Variants in TARBP1 observed in about 807,000 individuals in gnomAD.
The protein encoded by TARBP1 is tRNA (guanosine(18)-2'-O)-methyltransferase TARBP1.
A neutral mutation model predicts 178.6 loss-of-function variants in TARBP1; 144 were observed. The observed-to-expected ratio is 0.81, with a 90% confidence interval of 0.70 to 0.93. TARBP1 has a LOEUF of 0.93. Among genes scored for constraint, TARBP1 ranks in the 40% least tolerant of loss-of-function variants. TARBP1 has a pLI of 0.00. For synonymous variants in TARBP1, 787 were observed against 781.0 expected, an observed-to-expected ratio of 1.01 and a Z score of -0.13; for missense variants, 2,067 against 2,011.7, an observed-to-expected ratio of 1.03 and a Z score of -0.53.
At chr1:234,405,725 G>C (rs950106564) in intron 24 of TARBP1, among the ~76,000 whole-genome samples, 178 bp downstream of exon 24, 12 of 152,190 alleles carry the variant, frequency 7.9e-5, no homozygotes, top group African/African-American at 2.9e-4. Context: ...ACAATGAACT[G>C]TAATTAACTA....
chr1:234,414,122 C>T (rs1662152982), intron 22 of TARBP1, among the ~76,000 whole-genome samples: 1 of 152,206 alleles, frequency 6.6e-6, no homozygotes, highest in South Asian at 2.1e-4. Flanking sequence ...CCAAGCAATA[C>T]ACAAAAACAT....
At chr1:234,446,306 C>T (rs528506657) in intron 12 of TARBP1, among the ~76,000 whole-genome samples, 39 of 152,122 alleles carry the variant, frequency 2.6e-4, no homozygotes, top group Non-Finnish European at 4.0e-4. Flanking sequence ...TTATCACTAA[C>T]TTTCTCTGTG....
chr1:234,422,215 C>T (rs1663185362), intron 20 of TARBP1, among the ~76,000 whole-genome samples: 1 of 152,112 alleles, frequency 6.6e-6, no homozygotes, highest in East Asian at 1.9e-4. Flanking sequence ...TCTAAAATTC[C>T]CTTTCAGCTC....
intron 9 of TARBP1, among the ~76,000 whole-genome samples, chr1:234,451,294 G>A (rs1428540337): frequency 1.3e-5 from 2 of 152,182 alleles, no homozygotes; most frequent in Admixed American, 6.5e-5. Context: ...GTCTTAATAA[G>A]CAAATTCAAT....
chr1:234,451,265 T>C (rs1666724009), intron 9 of TARBP1, among the ~76,000 whole-genome samples: 2 of 152,364 alleles, frequency 1.3e-5, no homozygotes, highest in East Asian at 1.9e-4. Context: ...ATGTTCTCAA[T>C]TTCCTTTTTA....
chr1:234,435,654 G>C (rs1664940673), intron 13 of TARBP1, among the ~76,000 whole-genome samples: 1 of 152,184 alleles, frequency 6.6e-6, no homozygotes. Flanking sequence ...TTGTAACAAA[G>C]GGAAGACAGG....
intron 10 of TARBP1, among the ~76,000 whole-genome samples, chr1:234,449,005 T>A (rs1016000620): frequency 8.6e-5 from 13 of 151,954 alleles, no homozygotes; most frequent in Non-Finnish European, 1.9e-4. Context: ...GAAATGACAA[T>A]TGGGCTGAGT....
intron 20 of TARBP1, 143 bp downstream of exon 20, chr1:234,425,530 G>T: frequency 1.1e-6 from 1 of 922,876 alleles, no homozygotes; most frequent in Non-Finnish European, 1.6e-6. Flanking sequence ...CCCTAATCAA[G>T]ACTGAATTAA....
At chr1:234,416,539 C>A (rs114373476) in intron 22 of TARBP1, among the ~76,000 whole-genome samples, 45 of 152,260 alleles carry the variant, frequency 3.0e-4, no homozygotes, top group Non-Finnish European at 6.0e-4. Flanking sequence ...TCAAGTAATT[C>A]TCCCGCCTCA....
chr1:234,393,522 C>T, intron 27 of TARBP1, 36 bp from the exon 28 acceptor site: 1 of 1,569,682 alleles, frequency 6.4e-7, no homozygotes, highest in South Asian at 1.2e-5. Flanking sequence ...AGATTGTTCC[C>T]AGCACAATGC....
chr1:234,460,806 A>G (rs1389688066), intron 6 of TARBP1, among the ~76,000 whole-genome samples: 1 of 152,250 alleles, frequency 6.6e-6, no homozygotes, highest in Non-Finnish European at 1.5e-5. Flanking sequence ...CTACCAATGA[A>G]TGAATGAACA....
At chr1:234,429,997 A>T in intron 15 of TARBP1, 90 bp downstream of exon 15, 1 of 1,311,708 alleles carries the variant, frequency 7.6e-7, no homozygotes, top group Non-Finnish European at 1.1e-6. Context: ...CAGCCCCAAA[A>T]TTCTATAACT....
chr1:234,444,614 C>T (rs191529378), intron 12 of TARBP1, among the ~76,000 whole-genome samples: 1 of 152,266 alleles, frequency 6.6e-6, no homozygotes, highest in Admixed American at 6.5e-5. Flanking sequence ...CACAAAGCCT[C>T]TTTCCCAGAC....
Position 234,450,414 on chromosome 1 carries a change from G to C in TARBP1, c.1861+14C>G, listed in dbSNP as rs747855150. 3 of 1,552,092 alleles carry C rather than the reference G, an allele frequency of 1.9e-6. No homozygotes were observed. The highest frequency in any genetic ancestry group is 2.6e-6 in the Non-Finnish European group (3 of 1,155,134). Reference sequence around the variant, plus strand: ...TTTGGTTATATCAATCCATAAAAATGATTGCAGACTTACTTTCCCAAGCAG... The same window carrying C: ...TTTGGTTATATCAATCCATAAAAATCATTGCAGACTTACTTTCCCAAGCAG... On this transcript the variant is annotated intron_variant, in intron 10 of 29. Transcript: ENST00000040877.
intron 17 of TARBP1, among the ~76,000 whole-genome samples, chr1:234,428,508 C>A (rs1173043148): frequency 1.3e-5 from 2 of 152,050 alleles, no homozygotes; most frequent in African/African-American, 2.4e-5. Context: ...TGCTAGATTA[C>A]CTCATTTCCA....
chr1:234,392,476 G>T lies in TARBP1; in HGVS notation c.4637C>A (p.Thr1546Asn). Residue 1546 changes from threonine (T) to asparagine (N), a missense_variant, in exon 29 of 30, where the codon ACT (threonine) becomes AAT (asparagine). Physicochemically the swap from Thr to Asn is moderately conservative, Grantham distance 65. Coordinates refer to ENST00000040877, the MANE Select transcript of TARBP1 (RefSeq NM_005646.4). ...TTGGGTTAGGTCTAAACTTTTGGCA[G>T]TTTGTTCCACTCCAATGATGGTATA... is the stretch of plus-strand genomic sequence containing the variant. ...EGYTIIGVEQTAKSLDLTQYC... is the reference protein window; with the variant it reads ...EGYTIIGVEQNAKSLDLTQYC... The T allele has an allele frequency of 6.2e-7, 1 of 1,614,168 alleles. No homozygotes were observed. The highest frequency in any genetic ancestry group is 1.3e-5 in the African/African-American group (1 of 75,056).
chr1:234,406,032 C>T lies in TARBP1; in HGVS notation c.3860G>A (p.Arg1287Gln), dbSNP rs779593952. ...CTTAAGAGCAACTAAAGCATACAGT[C>T]GAACACTAAAATTGTGATTGAAACA... Reference protein sequence around the residue: ...QWCFNHNFSVRLYALVALKKL... With the variant: ...QWCFNHNFSVQLYALVALKKL... The change falls in exon 24 of 30, where the codon CGA becomes CAA. Residue 1287 changes from arginine to glutamine, a missense_variant. Coordinates refer to ENST00000040877, the MANE Select transcript of TARBP1 (RefSeq NM_005646.4). 11 of 1,614,080 alleles carry T rather than the reference C, an allele frequency of 6.8e-6. No individual in the cohort carries two copies. The highest frequency in any genetic ancestry group is 6.7e-5 in the Admixed American group (4 of 60,006).
At chr1:234,434,153 T>C (rs565015044) in intron 13 of TARBP1, among the ~76,000 whole-genome samples, 4 of 152,232 alleles carry the variant, frequency 2.6e-5, no homozygotes, top group African/African-American at 7.2e-5. Context: ...ATAATTCAGG[T>C]GGGGAGATGG....
chr1:234,472,354 A>G (rs1669148538), intron 2 of TARBP1, among the ~76,000 whole-genome samples: 1 of 146,992 alleles, frequency 6.8e-6, no homozygotes, highest in African/African-American at 2.5e-5. Context: ...AAAAAAAAAA[A>G]AAACTCAAAA....
Sources: gnomAD v4.1 joint callset for allele counts (sites outside exome capture counted in the v4.1 genomes callset) on GRCh38, gnomAD v4.1.1 for gene constraint, MANE v1.5 for transcripts, NCBI Gene and HGNC (gene_info 2026-07-23, HGNC 2026-07-21) for gene names.